Variants in WNT3A observed in about 807,000 individuals in gnomAD.
The protein encoded by WNT3A is protein Wnt-3a.
In WNT3A, 17 loss-of-function variants were observed where a neutral mutation model predicts 37.0. The observed-to-expected ratio is 0.46, with a 90% confidence interval of 0.31 to 0.69. WNT3A has a LOEUF of 0.69. WNT3A is among the 30% of genes least tolerant of loss of function. The pLI is 0.05. For missense variants in WNT3A, 411 were observed against 510.2 expected, an observed-to-expected ratio of 0.81 and a Z score of 1.87; for synonymous variants, 187 against 211.0, an observed-to-expected ratio of 0.89 and a Z score of 0.99.
At chr1:228,013,674 G>A (rs959500894) in intron 1 of WNT3A, among the ~76,000 whole-genome samples, 1 of 152,196 alleles carries the variant, frequency 6.6e-6, no homozygotes, top group African/African-American at 2.4e-5. Context: ...AGGTGCTTGA[G>A]CTGCCGAGAG....
intron 3 of WNT3A, among the ~76,000 whole-genome samples, chr1:228,058,064 G>A (rs1246606606): frequency 6.6e-6 from 1 of 152,192 alleles, no homozygotes; most frequent in Non-Finnish European, 1.5e-5. Flanking sequence ...GCCTCCCAAA[G>A]TGCTGGGATT....
At chr1:228,026,286 T>C (rs2102766940) in intron 2 of WNT3A, among the ~76,000 whole-genome samples, 1 of 152,290 alleles carries the variant, frequency 6.6e-6, no homozygotes, top group African/African-American at 2.4e-5. Context: ...TATTTGAATG[T>C]CTTTTATTTC....
At chr1:228,051,044 G>T (rs539436609) in intron 3 of WNT3A, 123 bp downstream of exon 3, 32 of 1,265,294 alleles carry the variant, frequency 2.5e-5, no homozygotes, top group Admixed American at 3.0e-5. Flanking sequence ...GGGTCTTCTC[G>T]ACCCCTGCCT....
chr1:228,022,585 C>A lies in WNT3A; in HGVS notation c.72-82C>A, dbSNP rs145926756. 2,165 of 1,497,640 alleles carry A rather than the reference C, an allele frequency of 1.4e-3. 35 individuals are homozygous for A. The African/African-American group carries it at 0.021, about 14-fold the overall frequency. The allele number at this position is 1,497,640 out of a possible 1,614,324, so 92.8% of individuals were successfully genotyped here. Reference sequence around the variant, plus strand: ...TCTCGCCCCCCGAATGCACTTGAGGCCCCAGAGCAAAGGGTCTGTAGCCTG... The same window carrying A: ...TCTCGCCCCCCGAATGCACTTGAGGACCCAGAGCAAAGGGTCTGTAGCCTG... On this transcript the variant is annotated intron_variant, in intron 1 of 3. Coordinates refer to ENST00000284523, the MANE Select transcript of WNT3A (RefSeq NM_033131.4).
chr1:228,057,015 A>T (rs983388217), intron 3 of WNT3A, among the ~76,000 whole-genome samples: 4 of 152,258 alleles, frequency 2.6e-5, no homozygotes, highest in Non-Finnish European at 5.9e-5. Context: ...GGAAAAAAAA[A>T]TCTGCAAGAA....
intron 2 of WNT3A, among the ~76,000 whole-genome samples, chr1:228,027,226 G>A (rs2030874534): frequency 6.6e-6 from 1 of 152,148 alleles, no homozygotes; most frequent in African/African-American, 2.4e-5. Context: ...GAATTGTGCT[G>A]CTGTGAACAT....
At chr1:228,010,219 C>T (rs1159211054) in intron 1 of WNT3A, among the ~76,000 whole-genome samples, 1 of 152,242 alleles carries the variant, frequency 6.6e-6, no homozygotes, top group Non-Finnish European at 1.5e-5. Flanking sequence ...CCCAGGCACA[C>T]CCGCACTCCA....
rs374645809 is a variant in WNT3A, at chr1:228,050,933, G to A, written c.579+12G>A. ...AGGCTGGGCGCCAGGTAGGTTCGCC[G>A]CCCGCAAGGGTGCTTGGGAAAAAGG... On this transcript the variant is annotated intron_variant, in intron 3 of 3. Transcript: ENST00000284523. The surrounding 1 kb of genome is among the most constrained non-coding windows in gnomAD (Gnocchi z 5.0). 9.9e-6 allele frequency: 15 copies of A among 1,520,456 alleles called. No homozygotes were observed. The highest frequency in any genetic ancestry group is 6.4e-5 in the South Asian group (5 of 77,918). The allele number at this position is 1,520,456 out of a possible 1,614,324, so 94.2% of individuals were successfully genotyped here. A position where few individuals can be genotyped will look rare whatever the true frequency, so the allele number is the denominator to read the frequency against.
intron 1 of WNT3A, among the ~76,000 whole-genome samples, chr1:228,015,414 T>C (rs1298716685): frequency 1.3e-5 from 2 of 152,212 alleles, no homozygotes; most frequent in African/African-American, 4.8e-5. Context: ...GCCACTCAGC[T>C]GTGTGGCAGC....
At chr1:228,015,798 T>C (rs1423106582) in intron 1 of WNT3A, among the ~76,000 whole-genome samples, 2 of 151,428 alleles carry the variant, frequency 1.3e-5, no homozygotes, top group Non-Finnish European at 2.9e-5. Flanking sequence ...AGACACTTGT[T>C]TGCATGCCTA....
At chr1:228,018,813 G>A (rs910386840) in intron 1 of WNT3A, among the ~76,000 whole-genome samples, 7 of 152,178 alleles carry the variant, frequency 4.6e-5, no homozygotes, top group South Asian at 2.1e-4. Context: ...GGAGCTCCCC[G>A]CTGCCTGCCA....
intron 1 of WNT3A, 28 bp from the exon 2 acceptor site, chr1:228,022,639 A>G (rs747137025): frequency 2.5e-6 from 4 of 1,598,170 alleles, no homozygotes; most frequent in Non-Finnish European, 3.4e-6. Flanking sequence ...CCAGCCCCAC[A>G]CTCACCACCG....
At chr1:228,011,809 G>T (rs2030381143) in intron 1 of WNT3A, among the ~76,000 whole-genome samples, 1 of 152,180 alleles carries the variant, frequency 6.6e-6, no homozygotes, top group African/African-American at 2.4e-5. Context: ...GGGTGGCATT[G>T]CTTCTCAGAG....
chr1:228,036,088 C>T (rs895883877), intron 2 of WNT3A, among the ~76,000 whole-genome samples: 4 of 152,150 alleles, frequency 2.6e-5, no homozygotes, highest in African/African-American at 4.8e-5. Flanking sequence ...GCCCTGGCTG[C>T]GCTCTCCATA....
chr1:228,027,695 T>C (rs1456082485), intron 2 of WNT3A, among the ~76,000 whole-genome samples: 1 of 152,256 alleles, frequency 6.6e-6, no homozygotes, highest in Non-Finnish European at 1.5e-5. Context: ...ATGTATGCTT[T>C]GTGAATATTT....
rs1476205811 is a variant in WNT3A at position 228,060,116 on chromosome 1, C to G, written c.*651C>G. On this transcript the variant is annotated 3_prime_UTR_variant, in exon 4 of 4. Coordinates refer to ENST00000284523, the MANE Select transcript of WNT3A (RefSeq NM_033131.4). Reference sequence around the variant, plus strand: ...TCCTGTGGGTGGGGCTTCTCTGGGACCAGGCTCCAATGGGGCGGGGCTTCT... The same window carrying G: ...TCCTGTGGGTGGGGCTTCTCTGGGAGCAGGCTCCAATGGGGCGGGGCTTCT... 7.6e-7 allele frequency: 1 copy of G among 1,308,662 alleles called. No homozygotes were observed. The highest frequency in any genetic ancestry group is 2.1e-5 in the Admixed American group (1 of 48,074). 81.1% of individuals were successfully genotyped at this position (1,308,662 alleles called of 1,614,324 possible). A position where few individuals can be genotyped will look rare whatever the true frequency, so the allele number is the denominator to read the frequency against.
At position 228,059,959 on chromosome 1, in the gene WNT3A, G is replaced by T; in HGVS notation, c.*494G>T. Reference sequence around the variant, plus strand: ...GGGTAGGCTGCTCCCTGAGGGCGGAGCGCCTCCTTAGGAGTGGGGTTTTAT... The same window carrying T: ...GGGTAGGCTGCTCCCTGAGGGCGGATCGCCTCCTTAGGAGTGGGGTTTTAT... On this transcript the variant is annotated 3_prime_UTR_variant, in exon 4 of 4. Coordinates refer to ENST00000284523, the MANE Select transcript of WNT3A (RefSeq NM_033131.4). The T allele has an allele frequency of 9.0e-7, 1 of 1,107,316 alleles. No homozygotes were observed. The allele number at this position is 1,107,316 out of a possible 1,614,324, so 68.6% of individuals were successfully genotyped here. A position where few individuals can be genotyped will look rare whatever the true frequency, so the allele number is the denominator to read the frequency against.
At position 228,031,465 on chromosome 1, in the gene WNT3A, G is replaced by T. The variant is rs539685841; in HGVS notation, c.313+8557G>T. ...AGGAGTCAGGTCCCAGGGCCGTGCA[G>T]CTCATCGAGCGTGTCCAAGGGTGTG... On this transcript the variant is annotated intron_variant, in intron 2 of 3. Transcript: ENST00000284523. The surrounding 1 kb of genome is among the most constrained non-coding windows in gnomAD (Gnocchi z 4.8). Among the ~76,000 whole-genome samples, 27 of 152,312 alleles carry T rather than the reference G, an allele frequency of 1.8e-4. No homozygotes were observed. The East Asian group carries it at 4.6e-3, about 26-fold the overall frequency.
At chr1:228,024,056 T>C (rs2030796799) in intron 2 of WNT3A, among the ~76,000 whole-genome samples, 1 of 152,274 alleles carries the variant, frequency 6.6e-6, no homozygotes, top group Non-Finnish European at 1.5e-5. Flanking sequence ...TTCTTCAGGT[T>C]GACGCATATG....
Sources: gnomAD v4.1 joint callset for allele counts (sites outside exome capture counted in the v4.1 genomes callset) on GRCh38, gnomAD v4.1.1 for gene constraint, Gnocchi (gnomAD v3.1) non-coding constraint, MANE v1.5 for transcripts, NCBI Gene and HGNC (gene_info 2026-07-23, HGNC 2026-07-21) for gene names.